Variants in TAFA5 observed in about 807,000 individuals in gnomAD.
The protein encoded by TAFA5 is chemokine-like protein TAFA-5.
TAFA5 carries 6 observed loss-of-function variants against 15.3 expected under a neutral mutation model. That is an observed-to-expected ratio of 0.39 (90% CI 0.21 to 0.77). The LOEUF (loss-of-function observed/expected upper bound fraction) is 0.77, where lower values mean the gene tolerates loss of function less well. Ranked by LOEUF, TAFA5 falls within the 30% of genes least tolerant of loss-of-function variation. The pLI, the probability that TAFA5 is intolerant of heterozygous loss-of-function variation, is 0.41. For missense variants in TAFA5, 161 were observed against 193.1 expected, an observed-to-expected ratio of 0.83 and a Z score of 0.98; for synonymous variants, 103 against 80.7, an observed-to-expected ratio of 1.28 and a Z score of -1.48.
rs1358794586 is a variant in TAFA5 at position 48,598,866 on chromosome 22, A to T, written c.113-47731A>T. On this transcript the variant is annotated intron_variant, in intron 1 of 3. Transcript: ENST00000402357. The surrounding 1 kb of genome is among the most constrained non-coding windows in gnomAD (Gnocchi z 4.0). ...CTGTATTTCCGACTGACTGAATATAAGTCAGGGGGTTTCCACCACCCTCTC... is the reference window on the plus strand; with the variant it reads ...CTGTATTTCCGACTGACTGAATATATGTCAGGGGGTTTCCACCACCCTCTC... Among the ~76,000 whole-genome samples the T allele has an allele frequency of 2.6e-5, 4 of 152,122 alleles. No homozygotes were observed. The highest frequency in any genetic ancestry group is 5.9e-5 in the Non-Finnish European group (4 of 68,032).
rs1372026478 is a variant in TAFA5 at position 48,490,838 on chromosome 22, G to T, written c.112+1134G>T. Among the ~76,000 whole-genome samples, 2 of 144,510 alleles carry T rather than the reference G, an allele frequency of 1.4e-5. No individual in the cohort carries two copies. Among genetic ancestry groups the T allele is most frequent in the African/African-American group, 2.7e-5 (1 of 37,350 alleles). The allele number at this position is 144,510 out of a possible 152,430, so 94.8% of individuals were successfully genotyped here. On this transcript the variant is annotated intron_variant, in intron 1 of 3. Transcript: ENST00000402357. The surrounding 1 kb of genome is among the most constrained non-coding windows in gnomAD (Gnocchi z 5.8). ...CTCCACAGACACCACCTCCTCCAGA[G>T]CCCCGGGCCTCCAAGCTCCCAGTCC...
At chr22:48,625,304 T>C (rs547337310) in intron 1 of TAFA5, among the ~76,000 whole-genome samples, 2 of 152,240 alleles carry the variant, frequency 1.3e-5, no homozygotes, top group African/African-American at 2.4e-5. Flanking sequence ...ACCATATCTA[T>C]GTTGAGGTTA....
chr22:48,687,225 T>C (rs936701677), intron 2 of TAFA5, among the ~76,000 whole-genome samples: 3 of 146,372 alleles, frequency 2.0e-5, no homozygotes, highest in Non-Finnish European at 4.5e-5. Flanking sequence ...GGTGGATGGA[T>C]TGAGTGGATA....
At chr22:48,731,727 T>C (rs1428037447) in intron 3 of TAFA5, among the ~76,000 whole-genome samples, 1 of 152,174 alleles carries the variant, frequency 6.6e-6, no homozygotes, top group Non-Finnish European at 1.5e-5. Flanking sequence ...ATTCAAGATA[T>C]TGCTGCTCAT....
intron 1 of TAFA5, among the ~76,000 whole-genome samples, chr22:48,584,604 C>G (rs1924259683): frequency 6.7e-6 from 1 of 148,702 alleles, no homozygotes; most frequent in Admixed American, 6.7e-5. Context: ...ACACACCACA[C>G]CACACACGCA....
At chr22:48,503,207 C>G (rs1375693487) in intron 1 of TAFA5, among the ~76,000 whole-genome samples, 1 of 152,192 alleles carries the variant, frequency 6.6e-6, no homozygotes, top group Non-Finnish European at 1.5e-5. Flanking sequence ...GCAGGGGCTT[C>G]CAGAGAGAAG....
At position 48,707,938 on chromosome 22, in the gene TAFA5, C is replaced by A. The variant is rs180866643; in HGVS notation, c.390+94C>A. ...ACCCGGGCTCCGCGGGGACAGGTGG[C>A]AGCTGCTCACTCCATCCTCATGCAG... On this transcript the variant is annotated intron_variant, in intron 3 of 3. Coordinates refer to ENST00000402357, the MANE Select transcript of TAFA5 (RefSeq NM_001082967.3). The A allele has an allele frequency of 3.5e-4, 520 of 1,487,746 alleles. 3 individuals are homozygous for A. In the African/African-American group the frequency reaches 5.1e-3, roughly 15 times the overall value. The allele number at this position is 1,487,746 out of a possible 1,614,324, so 92.2% of individuals were successfully genotyped here.
intron 2 of TAFA5, among the ~76,000 whole-genome samples, chr22:48,679,849 C>G (rs116420940): frequency 6.7e-6 from 1 of 149,996 alleles, no homozygotes; most frequent in African/African-American, 2.5e-5. Context: ...CCGTGTGGAC[C>G]GGCCCTGCCC....
chr22:48,569,154 C>G (rs1923501400), intron 1 of TAFA5, among the ~76,000 whole-genome samples: 1 of 152,202 alleles, frequency 6.6e-6, no homozygotes, highest in African/African-American at 2.4e-5. Flanking sequence ...ATGGGGACAG[C>G]TGCCTGGGGT....
At chr22:48,689,279 C>T (rs1008108645) in intron 2 of TAFA5, among the ~76,000 whole-genome samples, 11 of 152,110 alleles carry the variant, frequency 7.2e-5, no homozygotes, top group African/African-American at 4.8e-5. Flanking sequence ...GACACGTTAC[C>T]GGGTCTGACC....
intron 1 of TAFA5, among the ~76,000 whole-genome samples, chr22:48,542,663 T>TGTGTGTGTGTG (rs1569019383): frequency 0.014 from 1,110 of 76,978 alleles, 12 homozygotes; most frequent in African/African-American, 0.055. Flanking sequence ...GTGTGTGTGG[T>TGTGTGTGTGTG]GTGTGTGTGA....
intron 1 of TAFA5, among the ~76,000 whole-genome samples, chr22:48,523,364 C>G (rs1053438093): frequency 3.9e-5 from 6 of 152,272 alleles, no homozygotes; most frequent in African/African-American, 1.2e-4. Flanking sequence ...GCCCCTGAGT[C>G]AGCAAACTCC....
chr22:48,688,022 A>G (rs1397443428), intron 2 of TAFA5, among the ~76,000 whole-genome samples: 1 of 150,514 alleles, frequency 6.6e-6, no homozygotes, highest in Admixed American at 6.6e-5. Context: ...TTTTTCTTCC[A>G]CTTACATGTC....
intron 1 of TAFA5, among the ~76,000 whole-genome samples, chr22:48,542,576 G>GA (rs1922476830): frequency 1.6e-5 from 2 of 122,426 alleles, no homozygotes; most frequent in Non-Finnish European, 3.3e-5. Flanking sequence ...TGTGTGTGGT[G>GA]TGTGTGCGGG....
At chr22:48,529,385 A>G (rs370903420) in intron 1 of TAFA5, among the ~76,000 whole-genome samples, 68 of 102,908 alleles carry the variant, frequency 6.6e-4, no homozygotes, top group African/African-American at 2.2e-3. Flanking sequence ...GATGTCAGGC[A>G]GGAGATGAGG....
At chr22:48,724,450 A>T (rs761884435) in intron 3 of TAFA5, among the ~76,000 whole-genome samples, 2 of 152,124 alleles carry the variant, frequency 1.3e-5, no homozygotes, top group African/African-American at 4.8e-5. Flanking sequence ...TGGAGGAGAG[A>T]GGAGAAGATG....
chr22:48,609,767 T>C (rs985926823), intron 1 of TAFA5, among the ~76,000 whole-genome samples: 6 of 152,066 alleles, frequency 3.9e-5, no homozygotes, highest in Non-Finnish European at 8.8e-5. Context: ...GCCCCGCAGG[T>C]CCGCTTCCTT....
At chr22:48,494,737 G>A (rs1357416474) in intron 1 of TAFA5, among the ~76,000 whole-genome samples, 4 of 152,142 alleles carry the variant, frequency 2.6e-5, no homozygotes, top group Admixed American at 2.0e-4. Flanking sequence ...GGACTTCTCC[G>A]CCCTAGAATG....
At chr22:48,599,149 T>C (rs1440692388) in intron 1 of TAFA5, among the ~76,000 whole-genome samples, 3 of 152,222 alleles carry the variant, frequency 2.0e-5, no homozygotes, top group African/African-American at 2.4e-5. Flanking sequence ...TGGGTACATA[T>C]GATTGATTAA....
Sources: allele counts gnomAD v4.1 joint callset (sites outside exome capture counted in the v4.1 genomes callset), GRCh38; gene constraint gnomAD v4.1.1; non-coding constraint Gnocchi (gnomAD v3.1); transcripts MANE v1.5; gene names NCBI Gene and HGNC (gene_info 2026-07-23, HGNC 2026-07-21).